MED25: variants seen among roughly 807,000 people sequenced by gnomAD.
MED25 encodes the protein mediator complex subunit 25.
MED25 carries 62 observed loss-of-function variants against 89.4 expected under a neutral mutation model. The ratio of observed to expected loss-of-function variants is 0.69; its 90% CI spans 0.57 to 0.86. The LOEUF (loss-of-function observed/expected upper bound fraction) is 0.86, where lower values mean the gene tolerates loss of function less well. Among genes scored for constraint, MED25 ranks in the 40% least tolerant of loss-of-function variants. The pLI is 0.00. For synonymous variants in MED25, 449 were observed against 427.9 expected (o/e 1.05, Z -0.61); for missense variants, 905 against 1,005.2 (o/e 0.90, Z 1.35).
chr19:49,834,635 C>T lies in MED25; in HGVS notation c.1483-351C>T, dbSNP rs1017158600. ...TGGGTACCACGCTGTGCATCTAGGC[C>T]GCTCTCCCGGCCGTGACCCTCAGCC... On this transcript the variant is annotated intron_variant, in intron 13 of 17. Transcript: ENST00000312865. This position sits in a 1 kb window ranked among gnomAD's most constrained non-coding sequence, Gnocchi z 4.1. 2.6e-5 allele frequency: 10 copies of T among 384,112 alleles called. No individual in the cohort carries two copies. The highest frequency in any genetic ancestry group is 1.2e-4 in the East Asian group (2 of 16,164). The allele number at this position is 384,112 out of a possible 1,614,324, so 23.8% of individuals were successfully genotyped here.
In MED25 at chr19:49,830,966, G is replaced by T. The variant is rs896574078; in HGVS notation, c.1101+79G>T. ...AGGACAGTTAGAGGATGAGTCATTT[G>T]CCTTCCAGGGGGATGTGGCTCTCGT... On this transcript the variant is annotated intron_variant, in intron 9 of 17. Coordinates refer to ENST00000312865, the MANE Select transcript of MED25 (RefSeq NM_030973.4). This position sits in a 1 kb window ranked among gnomAD's most constrained non-coding sequence, Gnocchi z 4.6. The T allele has an allele frequency of 3.4e-6, 5 of 1,465,168 alleles. No homozygotes were observed. Among genetic ancestry groups the T allele is most frequent in the Middle Eastern group, 2.3e-4 (1 of 4,374 alleles). The allele number at this position is 1,465,168 out of a possible 1,614,324, so 90.8% of individuals were successfully genotyped here. A position where few individuals can be genotyped will look rare whatever the true frequency, so the allele number is the denominator to read the frequency against.
In MED25 at chr19:49,831,507, G is replaced by A. The variant is rs188631801; in HGVS notation, c.1230+46G>A. On this transcript the variant is annotated intron_variant, in intron 10 of 17. Transcript: ENST00000312865. This position sits in a 1 kb window ranked among gnomAD's most constrained non-coding sequence, Gnocchi z 5.0. Reference sequence around the variant, plus strand: ...TTGGGCACTTGGGACTCCTGGGGCCGTGGGGCTGGGCATGTAGGACTCATG... The same window carrying A: ...TTGGGCACTTGGGACTCCTGGGGCCATGGGGCTGGGCATGTAGGACTCATG... 8.8e-5 allele frequency: 140 copies of A among 1,596,112 alleles called. 1 individual carries two copies. Among genetic ancestry groups the A allele is most frequent in the Middle Eastern group, 8.3e-4 (5 of 5,992 alleles).
chr19:49,823,370 T>C (rs1418760757), intron 3 of MED25, among the ~76,000 whole-genome samples: 1 of 152,128 alleles, frequency 6.6e-6, no homozygotes, highest in African/African-American at 2.4e-5. Flanking sequence ...GGGTGCTGTA[T>C]TGGGGGCTGG....
At position 49,836,127 on chromosome 19, in the gene MED25, C is replaced by G; in HGVS notation, c.1966-99C>G. On this transcript the variant is annotated intron_variant, in intron 16 of 17. Coordinates refer to ENST00000312865, the MANE Select transcript of MED25 (RefSeq NM_030973.4). This position sits in a 1 kb window ranked among gnomAD's most constrained non-coding sequence, Gnocchi z 5.1. Reference sequence around the variant, plus strand: ...ATCCCCCACCTTTGAAGAAAAACTTCCCCTCACCACTAGCTGATTCCATCT... The same window carrying G: ...ATCCCCCACCTTTGAAGAAAAACTTGCCCTCACCACTAGCTGATTCCATCT... 6.6e-7 allele frequency: 1 copy of G among 1,517,156 alleles called. No individual in the cohort carries two copies. The highest frequency in any genetic ancestry group is 9.0e-7 in the Non-Finnish European group (1 of 1,108,936). 94.0% of individuals were successfully genotyped at this position (1,517,156 alleles called of 1,614,324 possible).
rs2074035016 is a variant in MED25, at chr19:49,829,088, G to A, written c.523G>A (p.Glu175Lys). The change falls in exon 5 of 18, where the codon GAG becomes AAG. Residue 175 changes from glutamate (E) to lysine (K), a missense_variant and splice_region_variant. Physicochemically the swap from Glu to Lys is moderately conservative, Grantham distance 56 (BLOSUM62 1). Transcript: ENST00000312865. This position sits in a 1 kb window ranked among gnomAD's most constrained non-coding sequence, Gnocchi z 4.6. Reference sequence around the variant, plus strand: ...TGAGAATCTTGTGCAGCAGATTGGGGAGGTGAGGACTCCAGGGTCTGAGGG... The same window carrying A: ...TGAGAATCTTGTGCAGCAGATTGGGAAGGTGAGGACTCCAGGGTCTGAGGG... ...TTENLVQQIG[E>K]RGIHFSIVSP... 1.2e-6 allele frequency: 2 copies of A among 1,613,620 alleles called. No individual in the cohort carries two copies. The highest frequency in any genetic ancestry group is 4.5e-5 in the East Asian group (2 of 44,846).
In MED25 at chr19:49,828,473, C is replaced by A. The variant is rs898525772; in HGVS notation, c.330C>A (p.Ser110Arg). 4 of 1,613,968 alleles carry A rather than the reference C, an allele frequency of 2.5e-6. No homozygotes were observed. Among genetic ancestry groups the A allele is most frequent in the Non-Finnish European group, 3.4e-6 (4 of 1,179,976 alleles). Reference sequence around the variant, plus strand: ...GGTTCATGGGCGGGGGTGGTGAGAGCTGCAGCCTCATCGCGGAAGGACTCA... The same window carrying A: ...GGTTCATGGGCGGGGGTGGTGAGAGATGCAGCCTCATCGCGGAAGGACTCA... ...GIKFMGGGGE[S>R]CSLIAEGLST... Residue 110 changes from serine to arginine, a missense_variant, in exon 4 of 18, where the codon AGC (serine) becomes AGA (arginine). By Grantham distance (110) the Ser-to-Arg change is moderately radical. Transcript: ENST00000312865.
At position 49,818,332 on chromosome 19, in the gene MED25, C is replaced by G. The variant is rs763535840; in HGVS notation, c.-10C>G. ...CGGCTGCAGTGGTGGTGGCGGGTAC[C>G]GCACGGGGTATGGTCCCCGGGTCCG... On this transcript the variant is annotated 5_prime_UTR_variant, in exon 1 of 18. Transcript: ENST00000312865. 3.2e-6 allele frequency: 5 copies of G among 1,573,250 alleles called. No homozygotes were observed. Among genetic ancestry groups the G allele is most frequent in the Non-Finnish European group, 4.3e-6 (5 of 1,158,610 alleles).
chr19:49,836,474 A>T lies in MED25; in HGVS notation c.2146+68A>T. On this transcript the variant is annotated intron_variant, in intron 17 of 17. Coordinates refer to ENST00000312865, the MANE Select transcript of MED25 (RefSeq NM_030973.4). The surrounding 1 kb of genome is among the most constrained non-coding windows in gnomAD (Gnocchi z 5.1). ...CCAGCAGCTCCTGGGCTAGAGCACC[A>T]AGACCGAGTGCTCCTGGGAAGTAAA... 2 of 1,504,554 alleles carry T rather than the reference A, an allele frequency of 1.3e-6. No homozygotes were observed. Among genetic ancestry groups the T allele is most frequent in the Non-Finnish European group, 1.8e-6 (2 of 1,104,566 alleles). 93.2% of individuals were successfully genotyped at this position (1,504,554 alleles called of 1,614,324 possible).
Position 49,830,947 on chromosome 19 carries a change from G to C in MED25, c.1101+60G>C. ...CCTCCTGCTGTCCACAGCTAGGACAGTTAGAGGATGAGTCATTTGCCTTCC... is the reference window on the plus strand; with the variant it reads ...CCTCCTGCTGTCCACAGCTAGGACACTTAGAGGATGAGTCATTTGCCTTCC... On this transcript the variant is annotated intron_variant, in intron 9 of 17. Coordinates refer to ENST00000312865, the MANE Select transcript of MED25 (RefSeq NM_030973.4). The surrounding 1 kb of genome is among the most constrained non-coding windows in gnomAD (Gnocchi z 4.6). 1 of 1,543,760 alleles carries C rather than the reference G, an allele frequency of 6.5e-7. No individual in the cohort carries two copies. The highest frequency in any genetic ancestry group is 2.1e-4 in the Middle Eastern group (1 of 4,860).
In MED25 at chr19:49,836,118, G is replaced by A; in HGVS notation, c.1966-108G>A. 2 of 1,523,484 alleles carry A rather than the reference G, an allele frequency of 1.3e-6. No individual in the cohort carries two copies. Among genetic ancestry groups the A allele is most frequent in the Non-Finnish European group, 1.8e-6 (2 of 1,117,564 alleles). 94.4% of individuals were successfully genotyped at this position (1,523,484 alleles called of 1,614,324 possible). Reference sequence around the variant, plus strand: ...TCTCCGTCCATCCCCCACCTTTGAAGAAAAACTTCCCCTCACCACTAGCTG... The same window carrying A: ...TCTCCGTCCATCCCCCACCTTTGAAAAAAAACTTCCCCTCACCACTAGCTG... On this transcript the variant is annotated intron_variant, in intron 16 of 17. Transcript: ENST00000312865. This position sits in a 1 kb window ranked among gnomAD's most constrained non-coding sequence, Gnocchi z 5.1.
In MED25 at chr19:49,835,247, G is replaced by T; in HGVS notation, c.1674+70G>T. On this transcript the variant is annotated intron_variant, in intron 14 of 17. Coordinates refer to ENST00000312865, the MANE Select transcript of MED25 (RefSeq NM_030973.4). This position sits in a 1 kb window ranked among gnomAD's most constrained non-coding sequence, Gnocchi z 6.2. Reference sequence around the variant, plus strand: ...CCCGGGCCCCACATGGCCCCCTGGGGTCTCCAGGACCAAGATGCCCACCCT... The same window carrying T: ...CCCGGGCCCCACATGGCCCCCTGGGTTCTCCAGGACCAAGATGCCCACCCT... 4 of 1,540,728 alleles carry T rather than the reference G, an allele frequency of 2.6e-6. No individual in the cohort carries two copies. Among genetic ancestry groups the T allele is most frequent in the Non-Finnish European group, 3.6e-6 (4 of 1,114,192 alleles).
Position 49,830,478 on chromosome 19 carries a change from CCA to C in MED25, c.820-32_820-31del, listed in dbSNP as rs1283373868. On this transcript the variant is annotated intron_variant, in intron 7 of 17. Transcript: ENST00000312865. The surrounding 1 kb of genome is among the most constrained non-coding windows in gnomAD (Gnocchi z 4.6). ...CAGGACTGGGGGGCCATGGTCCTCACCAGTCCCTTCCCTTCTTCCCTTCTACC... is the reference window on the plus strand; with the variant it reads ...CAGGACTGGGGGGCCATGGTCCTCACGTCCCTTCCCTTCTTCCCTTCTACC... 61 of 1,607,026 alleles carry C rather than the reference CCA, an allele frequency of 3.8e-5. No homozygotes were observed. The highest frequency in any genetic ancestry group is 5.2e-5 in the Non-Finnish European group (61 of 1,174,002).
chr19:49,835,879 C>T lies in MED25; in HGVS notation c.1899C>T (p.Pro633=), dbSNP rs1225715903. 18 of 1,612,694 alleles carry T rather than the reference C, an allele frequency of 1.1e-5. No homozygotes were observed. Among genetic ancestry groups the T allele is most frequent in the Non-Finnish European group, 1.4e-5 (17 of 1,179,926 alleles). The change falls in exon 16 of 18, where the codon CCC becomes CCT. Residue 633 remains proline, a synonymous_variant. Coordinates refer to ENST00000312865, the MANE Select transcript of MED25 (RefSeq NM_030973.4). This position sits in a 1 kb window ranked among gnomAD's most constrained non-coding sequence, Gnocchi z 6.2. ...GAASGPPPPG[P]ILRPQNPGAN... The stretch of plus-strand genomic sequence containing the variant: ...CTTCTGGCCCACCCCCTCCTGGACC[C>T]ATCCTTCGGCCCCAGAACCCTGGGG...
rs1378027342 is a variant in MED25, at chr19:49,818,379, G to A, written c.38G>A (p.Ser13Asn). Residue 13 changes from serine (S) to asparagine (N), a missense_variant, in exon 1 of 18, where the codon AGC becomes AAC. Coordinates refer to ENST00000312865, the MANE Select transcript of MED25 (RefSeq NM_030973.4). ...PGSEGPARAGSVVADVVFVIE... is the reference protein window; with the variant it reads ...PGSEGPARAGNVVADVVFVIE... ...TCCGAGGGCCCGGCCCGCGCCGGGA[G>A]CGTGGTGGCCGACGTGGTGTTTGTG... 1.9e-6 allele frequency: 3 copies of A among 1,611,750 alleles called. No individual in the cohort carries two copies. Among genetic ancestry groups the A allele is most frequent in the Non-Finnish European group, 2.5e-6 (3 of 1,178,986 alleles).
rs746314161 is a variant in MED25 at position 49,836,938 on chromosome 19, C to T, written c.2238C>T (p.Leu746=). ...SVMEDDILMD[L]I is the part of the protein sequence containing the mutation. The stretch of plus-strand genomic sequence containing the variant: ...TGGAGGACGACATCCTCATGGATCT[C>T]ATCTGAATCCCCAACACCCAATAAA... Residue 746 remains leucine (L), a synonymous_variant, in exon 18 of 18, where the codon CTC becomes CTT. Transcript: ENST00000312865. This position sits in a 1 kb window ranked among gnomAD's most constrained non-coding sequence, Gnocchi z 5.1. 3.7e-6 allele frequency: 6 copies of T among 1,612,330 alleles called. 1 individual carries two copies. In the South Asian group the frequency reaches 4.4e-5, roughly 12 times the overall value.
intron 3 of MED25, among the ~76,000 whole-genome samples, chr19:49,826,410 C>A (rs1183217931): frequency 1.3e-5 from 2 of 152,154 alleles, no homozygotes; most frequent in South Asian, 4.1e-4. Flanking sequence ...GGAGCAGCGC[C>A]CGAGTGCCCT....
At chr19:49,819,071 C>T in intron 2 of MED25, 101 bp from the exon 3 acceptor site, 1 of 1,440,734 alleles carries the variant, frequency 6.9e-7, no homozygotes, top group South Asian at 1.2e-5. Context: ...CTGAGGAGTT[C>T]CTGGTTCTGG....
At chr19:49,828,418 A>G in intron 3 of MED25, 31 bp from the exon 4 acceptor site, 1 of 1,488,380 alleles carries the variant, frequency 6.7e-7, no homozygotes, top group Non-Finnish European at 9.2e-7. Flanking sequence ...GATGATGGCA[A>G]CCCTGGGGGC....
At position 49,832,349 on chromosome 19, in the gene MED25, G is replaced by A. The variant is rs1310953928; in HGVS notation, c.1416G>A (p.Gln472=). The change falls in exon 13 of 18, where the codon CAG becomes CAA. Residue 472 remains glutamine, a synonymous_variant. Coordinates refer to ENST00000312865, the MANE Select transcript of MED25 (RefSeq NM_030973.4). ...TGTTCCGGAACTCAAGGATGGTCCAGTTCCATTTCACCAACAAGGACCTGG... is the reference window on the plus strand; with the variant it reads ...TGTTCCGGAACTCAAGGATGGTCCAATTCCATTTCACCAACAAGGACCTGG... ...GPLFRNSRMV[Q]FHFTNKDLES... is the part of the protein sequence containing the mutation. The A allele has an allele frequency of 2.5e-6, 4 of 1,611,176 alleles. No individual in the cohort carries two copies. Among genetic ancestry groups the A allele is most frequent in the East Asian group, 2.2e-5 (1 of 44,858 alleles).
Sources: allele counts gnomAD v4.1 joint callset (sites outside exome capture counted in the v4.1 genomes callset), GRCh38; gene constraint gnomAD v4.1.1; non-coding constraint Gnocchi (gnomAD v3.1); transcripts MANE v1.5; gene names NCBI Gene and HGNC (gene_info 2026-07-23, HGNC 2026-07-21).